DLGAP2: variants seen among roughly 807,000 people sequenced by gnomAD.
The protein encoded by DLGAP2 is DLG associated protein 2.
A neutral mutation model predicts 100.3 loss-of-function variants in DLGAP2; 26 were observed. That is an observed-to-expected ratio of 0.26 (90% CI 0.19 to 0.36). The LOEUF (loss-of-function observed/expected upper bound fraction) is 0.36. DLGAP2 is among the 10% of genes least tolerant of loss of function. The probability of loss-of-function intolerance (pLI) is 1.00; values close to 1 mark genes in which losing one functional copy is unlikely to be tolerated. For synonymous variants in DLGAP2, 886 were observed against 630.1 expected, an observed-to-expected ratio of 1.41 and a Z score of -6.08; for missense variants, 1,858 against 1,453.2, an observed-to-expected ratio of 1.28 and a Z score of -4.53.
chr8:863,672 G>T (rs561296846), intron 1 of DLGAP2, among the ~76,000 whole-genome samples: 2 of 152,136 alleles, frequency 1.3e-5, no homozygotes, highest in Non-Finnish European at 2.9e-5. Flanking sequence ...AAACCACAAC[G>T]AGCTGTCCCC....
intron 2 of DLGAP2, among the ~76,000 whole-genome samples, chr8:1,033,096 A>G (rs1327258732): frequency 6.6e-6 from 1 of 152,176 alleles, no homozygotes; most frequent in African/African-American, 2.4e-5. Context: ...TGATCCAAGG[A>G]TGCAGAGATT....
At chr8:1,444,016 T>G (rs965624078) in intron 3 of DLGAP2, among the ~76,000 whole-genome samples, 1 of 152,206 alleles carries the variant, frequency 6.6e-6, no homozygotes, top group Non-Finnish European at 1.5e-5. Context: ...AGTTTTCCAG[T>G]GTTCATGATC....
At position 1,066,515 on chromosome 8, in the gene DLGAP2, C is replaced by T. The variant is rs571137112; in HGVS notation, c.73+158549C>T. On this transcript the variant is annotated intron_variant, in intron 2 of 14. Coordinates refer to ENST00000637795, the MANE Select transcript of DLGAP2 (RefSeq NM_001346810.2). ...CGGTCAGGTCTGAGTGAGGACAGTT[C>T]CCCACCACGGTCAGGTCTGAGTGAG... Among the ~76,000 whole-genome samples the T allele has an allele frequency of 4.0e-5, 6 of 150,286 alleles. No individual in the cohort carries two copies. In the East Asian group the frequency reaches 1.2e-3, roughly 30 times the overall value.
intron 3 of DLGAP2, among the ~76,000 whole-genome samples, chr8:1,420,507 A>G (rs919185335): frequency 6.6e-5 from 10 of 151,812 alleles, no homozygotes; most frequent in African/African-American, 2.2e-4. Flanking sequence ...CTAAACTACA[A>G]CTCTATGCAT....
intron 2 of DLGAP2, among the ~76,000 whole-genome samples, chr8:1,180,956 C>G (rs1428184123): frequency 1.2e-5 from 1 of 83,850 alleles, no homozygotes; most frequent in Non-Finnish European, 2.3e-5. Flanking sequence ...GTGTGGGTGG[C>G]TGTGCAAGGG....
At chr8:1,552,232 A>AT (rs568420397) in intron 5 of DLGAP2, among the ~76,000 whole-genome samples, 272 of 152,322 alleles carry the variant, frequency 1.8e-3, no homozygotes, top group African/African-American at 6.2e-3. Context: ...TGCCCGGAGG[A>AT]TCGGAGGATA....
chr8:820,351 C>T (rs892362099), intron 1 of DLGAP2, among the ~76,000 whole-genome samples: 2 of 152,168 alleles, frequency 1.3e-5, no homozygotes, highest in Admixed American at 6.5e-5. Flanking sequence ...GATTTGGACA[C>T]ATGCATATGA....
intron 11 of DLGAP2, among the ~76,000 whole-genome samples, chr8:1,677,944 A>AACTC (rs1211858217): frequency 6.6e-6 from 1 of 152,238 alleles, no homozygotes; most frequent in South Asian, 2.1e-4. Context: ...GAAACACGTT[A>AACTC]ACTCTCATTG....
At chr8:1,266,974 A>G (rs1280951427) in intron 3 of DLGAP2, among the ~76,000 whole-genome samples, 1 of 152,036 alleles carries the variant, frequency 6.6e-6, no homozygotes, top group African/African-American at 2.4e-5. Context: ...CACGCCTATA[A>G]TCCCAGCACA....
At chr8:1,682,243 A>G (rs1798970142) in intron 12 of DLGAP2, among the ~76,000 whole-genome samples, 1 of 152,176 alleles carries the variant, frequency 6.6e-6, no homozygotes, top group African/African-American at 2.4e-5. Context: ...TAGCCATTGG[A>G]AAATAAGTGG....
intron 3 of DLGAP2, among the ~76,000 whole-genome samples, chr8:1,276,215 C>T (rs1351978057): frequency 6.6e-6 from 1 of 150,784 alleles, no homozygotes; most frequent in African/African-American, 2.4e-5. Flanking sequence ...AACACTCCCC[C>T]CCCGACCCTA....
chr8:1,041,305 C>G (rs572573090), intron 2 of DLGAP2, among the ~76,000 whole-genome samples: 1 of 152,100 alleles, frequency 6.6e-6, no homozygotes, highest in African/African-American at 2.4e-5. Context: ...GCGTGGAGAT[C>G]GCCCCTCGCA....
At chr8:1,586,845 C>G (rs867142738) in intron 6 of DLGAP2, among the ~76,000 whole-genome samples, 5 of 152,204 alleles carry the variant, frequency 3.3e-5, no homozygotes, top group African/African-American at 9.6e-5. Flanking sequence ...GCCAAGGTAT[C>G]TCTTCTTCTG....
At chr8:1,475,881 C>A (rs563343227) in intron 3 of DLGAP2, among the ~76,000 whole-genome samples, 1 of 152,032 alleles carries the variant, frequency 6.6e-6, no homozygotes, top group East Asian at 1.9e-4. Context: ...TTTTTCTCTC[C>A]CCTAGGAAAT....
Position 1,691,058 on chromosome 8 carries a change from T to C in DLGAP2, c.2705-477T>C, listed in dbSNP as rs572807889. On this transcript the variant is annotated intron_variant, in intron 12 of 14. Transcript: ENST00000637795. ...ACTGCCCACAGTTCATTAGAAATTA[T>C]TTAATTGAATCCAATGAGAGAACCC... Among the ~76,000 whole-genome samples, 5 of 152,270 alleles carry C rather than the reference T, an allele frequency of 3.3e-5. No individual in the cohort carries two copies. The East Asian group carries it at 9.6e-4, about 29-fold the overall frequency.
chr8:1,595,035 C>CT lies in DLGAP2; in HGVS notation c.1442+29150dup, dbSNP rs1554505087. 1.3e-3 allele frequency among the ~76,000 whole-genome samples: 202 copies of CT among 150,906 alleles called. 2 individuals are homozygous for CT. The highest frequency in any genetic ancestry group is 4.0e-3 in the African/African-American group (165 of 41,174). On this transcript the variant is annotated intron_variant, in intron 6 of 14. Coordinates refer to ENST00000637795, the MANE Select transcript of DLGAP2 (RefSeq NM_001346810.2). The stretch of plus-strand genomic sequence containing the variant: ...CTCCACACAACAGCTCCTGGGGTTT[C>CT]TTTTTTTTTCTTTTTTTCTTTTTTG...
At chr8:1,409,947 C>G (rs1032859817) in intron 3 of DLGAP2, among the ~76,000 whole-genome samples, 23 of 152,228 alleles carry the variant, frequency 1.5e-4, no homozygotes, top group Non-Finnish European at 2.9e-5. Flanking sequence ...TCATATGATC[C>G]AGTTCCGAAA....
intron 2 of DLGAP2, among the ~76,000 whole-genome samples, chr8:1,188,856 CA>C (rs977996366): frequency 2.0e-5 from 3 of 152,222 alleles, no homozygotes; most frequent in Admixed American, 6.5e-5. Context: ...CTTGTCACTC[CA>C]AAAAGTTAAA....
chr8:960,235 A>ATTTTTTTTTTTTTTTTTTTTTTT (rs1209692955), intron 2 of DLGAP2, among the ~76,000 whole-genome samples: 8 of 8,308 alleles, frequency 9.6e-4, no homozygotes, highest in South Asian at 6.9e-3. Flanking sequence ...CCTGAAGTAT[A>ATTTTTTTTTTTTTTTTTTTTTTT]TCTTTTTTTT....
Sources: allele counts gnomAD v4.1 joint callset (sites outside exome capture counted in the v4.1 genomes callset), GRCh38; gene constraint gnomAD v4.1.1; transcripts MANE v1.5; gene names NCBI Gene and HGNC (gene_info 2026-07-23, HGNC 2026-07-21).